The following PCDHGA3 variants were observed in gnomAD, a reference collection of about 807,000 sequenced individuals.
PCDHGA3 encodes the protein protocadherin gamma subfamily A, 3.
A neutral mutation model predicts 58.5 loss-of-function variants in PCDHGA3; 40 were observed. The ratio of observed to expected loss-of-function variants is 0.68; its 90% CI spans 0.53 to 0.89. The LOEUF (loss-of-function observed/expected upper bound fraction) is 0.89, where lower values mean the gene tolerates loss of function less well. PCDHGA3 is among the 40% of genes least tolerant of loss of function. The probability of loss-of-function intolerance (pLI) is 0.00; values close to 1 mark genes in which losing one functional copy is unlikely to be tolerated. For missense variants in PCDHGA3, 1,223 were observed against 1,195.9 expected (o/e 1.02, Z -0.33); for synonymous variants, 530 against 525.7 (o/e 1.01, Z -0.11).
At chr5:141,381,572 T>A (rs566489339) in intron 1 of PCDHGA3, among the ~76,000 whole-genome samples, 1 of 152,338 alleles carries the variant, frequency 6.6e-6, no homozygotes, top group African/African-American at 2.4e-5. Flanking sequence ...ATGAAAAGAA[T>A]CAGCCAATCC....
At chr5:141,379,494 T>C (rs1469467454) in intron 1 of PCDHGA3, 2 of 152,242 alleles carry the variant, frequency 1.3e-5, no homozygotes, top group Non-Finnish European at 2.9e-5. Context: ...ATACTACCAA[T>C]TTGGGATGTT....
chr5:141,457,937 G>A (rs916509260), intron 1 of PCDHGA3, among the ~76,000 whole-genome samples: 1 of 152,166 alleles, frequency 6.6e-6, no homozygotes, highest in African/African-American at 2.4e-5. Flanking sequence ...GGCTTTTATT[G>A]GCTCTGCATG....
At position 141,432,185 on chromosome 5, in the gene PCDHGA3, G is replaced by A. The variant is rs376661062; in HGVS notation, c.2425-62622G>A. 8.1e-6 allele frequency: 13 copies of A among 1,613,956 alleles called. No individual in the cohort carries two copies. The African/African-American group carries it at 1.3e-4, about 17-fold the overall frequency. On this transcript the variant is annotated intron_variant, in intron 1 of 3. Transcript: ENST00000253812. This position sits in a 1 kb window ranked among gnomAD's most constrained non-coding sequence, Gnocchi z 6.0. ...AGGAGTTTCCCTCGTCTCTGTGACC[G>A]CCCACGACCCCGACTGTGAAGAGAA...
Position 141,432,046 on chromosome 5 carries a change from C to G in PCDHGA3, c.2425-62761C>G, listed in dbSNP as rs1389286417. The G allele has an allele frequency of 6.2e-7, 1 of 1,614,224 alleles. No individual in the cohort carries two copies. The highest frequency in any genetic ancestry group is 2.2e-5 in the East Asian group (1 of 44,886). The stretch of plus-strand genomic sequence containing the variant: ...CAGTGACCGCCACTGACCGGGGAAC[C>G]CCGCCCCTATCCACGGAAACTCATA... On this transcript the variant is annotated intron_variant, in intron 1 of 3. Coordinates refer to ENST00000253812, the MANE Select transcript of PCDHGA3 (RefSeq NM_018916.4). This position sits in a 1 kb window ranked among gnomAD's most constrained non-coding sequence, Gnocchi z 6.0.
Position 141,388,273 on chromosome 5 carries a change from C to T in PCDHGA3, c.2424+41816C>T. On this transcript the variant is annotated intron_variant, in intron 1 of 3. Coordinates refer to ENST00000253812, the MANE Select transcript of PCDHGA3 (RefSeq NM_018916.4). ...GAGATCGAGGACATTAATGACCACA[C>T]GCCAAAATTCACGCAAAATTCCTTT... The T allele has an allele frequency of 3.1e-6, 5 of 1,597,470 alleles. No homozygotes were observed. Among genetic ancestry groups the T allele is most frequent in the Non-Finnish European group, 4.3e-6 (5 of 1,172,964 alleles).
In PCDHGA3 at chr5:141,376,620, C is replaced by T. The variant is rs2150087257; in HGVS notation, c.2424+30163C>T. The stretch of plus-strand genomic sequence containing the variant: ...TTATAGAAGCGAACCTCTTTTGGTA[C>T]AGGAAGATTCGTGATTTTGTAAAGT... On this transcript the variant is annotated intron_variant, in intron 1 of 3. Transcript: ENST00000253812. 2.9e-6 allele frequency: 4 copies of T among 1,360,830 alleles called. No homozygotes were observed. In the East Asian group the frequency reaches 7.4e-5, roughly 25 times the overall value. The allele number at this position is 1,360,830 out of a possible 1,614,324, so 84.3% of individuals were successfully genotyped here. A position where few individuals can be genotyped will look rare whatever the true frequency, so the allele number is the denominator to read the frequency against.
chr5:141,510,895 CTGT>C, intron 3 of PCDHGA3, 49 bp from the exon 4 acceptor site: 1 of 1,612,988 alleles, frequency 6.2e-7, no homozygotes, highest in Non-Finnish European at 8.5e-7. Flanking sequence ...AAGACAGTGA[CTGT>C]TGAGGACCCT....
intron 1 of PCDHGA3, chr5:141,356,879 C>G (rs1760374565): frequency 6.2e-7 from 1 of 1,614,084 alleles, no homozygotes; most frequent in Admixed American, 1.7e-5. Context: ...GACAATGTCC[C>G]TGAGATCCTG....
At chr5:141,505,015 A>G (rs965107997) in intron 2 of PCDHGA3, among the ~76,000 whole-genome samples, 1 of 152,160 alleles carries the variant, frequency 6.6e-6, no homozygotes, top group Admixed American at 6.5e-5. Flanking sequence ...TACAAAAATT[A>G]GCCTGGCACA....
intron 1 of PCDHGA3, chr5:141,371,298 A>G (rs1767641174): frequency 6.2e-7 from 1 of 1,614,018 alleles, no homozygotes; most frequent in Non-Finnish European, 8.5e-7. Context: ...GGGGGAACTC[A>G]CCACTATTGG....
intron 1 of PCDHGA3, chr5:141,372,232 A>G: frequency 6.2e-7 from 1 of 1,613,396 alleles, no homozygotes; most frequent in Non-Finnish European, 8.5e-7. Context: ...CAGGCCAGCG[A>G]GCCCGGGCTG....
chr5:141,454,351 C>T (rs1406631649), intron 1 of PCDHGA3, among the ~76,000 whole-genome samples: 2 of 152,152 alleles, frequency 1.3e-5, no homozygotes, highest in Non-Finnish European at 2.9e-5. Flanking sequence ...GAAGTTGATC[C>T]AAACTTAGAA....
chr5:141,478,137 G>A (rs762316494), intron 1 of PCDHGA3: 13 of 1,613,872 alleles, frequency 8.1e-6, no homozygotes, highest in African/African-American at 8.0e-5. Context: ...CCTGAAGCCC[G>A]AGCCGAGTTC....
At chr5:141,395,525 G>T in intron 1 of PCDHGA3, 1 of 384,022 alleles carries the variant, frequency 2.6e-6, no homozygotes, top group Non-Finnish European at 4.6e-6. Context: ...CGTCCATACT[G>T]GTAATTTTGC....
intron 1 of PCDHGA3, chr5:141,404,569 C>T (rs887708182): frequency 6.2e-7 from 1 of 1,613,608 alleles, no homozygotes; most frequent in African/African-American, 1.3e-5. Context: ...ACAGTGGAAG[C>T]CCACCACTTA....
At position 141,477,862 on chromosome 5, in the gene PCDHGA3, A is replaced by AGGT. The variant is rs753168325; in HGVS notation, c.2425-16944_2425-16942dup. 2.1e-5 allele frequency: 34 copies of AGGT among 1,613,138 alleles called. No individual in the cohort carries two copies. Among genetic ancestry groups the AGGT allele is most frequent in the Non-Finnish European group, 2.5e-5 (29 of 1,179,720 alleles). ...GGAGCTCGGTGGAGATGCTGCCTCG[A>AGGT]GGTACCTCAGCTGGCCACCTAGTGT... is the stretch of plus-strand genomic sequence containing the variant. On this transcript the variant is annotated intron_variant, in intron 1 of 3. Transcript: ENST00000253812. The surrounding 1 kb of genome is among the most constrained non-coding windows in gnomAD (Gnocchi z 4.9).
At chr5:141,366,704 C>T in intron 1 of PCDHGA3, 1 of 1,614,250 alleles carries the variant, frequency 6.2e-7, no homozygotes, top group Non-Finnish European at 8.5e-7. Flanking sequence ...CGAGCCTCTT[C>T]TGATGTCTGA....
intron 1 of PCDHGA3, chr5:141,383,374 G>T: frequency 6.2e-7 from 1 of 1,614,028 alleles, no homozygotes. Context: ...CGAGGCTGGG[G>T]ATCCAGATGT....
intron 1 of PCDHGA3, among the ~76,000 whole-genome samples, chr5:141,482,104 A>T (rs11748215): frequency 0.23 from 34,477 of 150,324 alleles, 4,798 homozygotes; most frequent in African/African-American, 0.39. Context: ...AAAAAAAAAA[A>T]ATATCTAGAG....
Sources: allele counts gnomAD v4.1 joint callset (sites outside exome capture counted in the v4.1 genomes callset), GRCh38; gene constraint gnomAD v4.1.1; non-coding constraint Gnocchi (gnomAD v3.1); transcripts MANE v1.5; gene names NCBI Gene and HGNC (gene_info 2026-07-23, HGNC 2026-07-21).